Variants in PATJ observed in about 807,000 individuals in gnomAD.
PATJ encodes PATJ crumbs cell polarity complex component.
A neutral mutation model predicts 224.9 loss-of-function variants in PATJ; 190 were observed. The ratio of observed to expected loss-of-function variants is 0.84; its 90% CI spans 0.75 to 0.95. The LOEUF is 0.95. PATJ is among the 40% of genes least tolerant of loss of function. The probability of loss-of-function intolerance (pLI) is 0.00; values close to 1 mark genes in which losing one functional copy is unlikely to be tolerated. For synonymous variants in PATJ, 769 were observed against 820.3 expected (o/e 0.94, Z 1.07); for missense variants, 2,121 against 2,270.3 (o/e 0.93, Z 1.34).
Position 61,758,001 on chromosome 1 carries a change from C to T in PATJ, c.-35-4857C>T, listed in dbSNP as rs531799255. ...CACACACATTTTTTTTTCTTACAAA[C>T]GTGAAAATAATGCACTCATTCTGAA... is the stretch of plus-strand genomic sequence containing the variant. On this transcript the variant is annotated intron_variant, in intron 1 of 43. Transcript: ENST00000642238. Among the ~76,000 whole-genome samples the T allele has an allele frequency of 1.1e-4, 17 of 152,122 alleles. No homozygotes were observed. In the East Asian group the frequency reaches 2.3e-3, roughly 21 times the overall value.
intron 7 of PATJ, among the ~76,000 whole-genome samples, chr1:61,776,727 A>C (rs1000994420): frequency 1.5e-5 from 2 of 136,336 alleles, no homozygotes; most frequent in African/African-American, 5.1e-5. Flanking sequence ...AGATTAATCT[A>C]CTTTTTTTTT....
At chr1:61,861,748 G>C in intron 19 of PATJ, 81 bp downstream of exon 19, 1 of 624,604 alleles carries the variant, frequency 1.6e-6, no homozygotes, top group Non-Finnish European at 2.7e-6. Flanking sequence ...AAGAAAATAA[G>C]ACAAAAGCTT....
intron 39 of PATJ, among the ~76,000 whole-genome samples, chr1:62,123,469 CTTTTTTTTTTT>C (rs34621846): frequency 1.7e-4 from 11 of 64,540 alleles, no homozygotes; most frequent in African/African-American, 6.6e-4. Flanking sequence ...CTATAAGTTT[CTTTTTTTTTTT>C]TTTTTTTTTT....
intron 31 of PATJ, chr1:62,072,973 G>A (rs1017482372): frequency 1.3e-5 from 12 of 899,370 alleles, no homozygotes; most frequent in Admixed American, 1.2e-4. Context: ...TGGAAAGTGC[G>A]GTTGAGCCCT....
intron 33 of PATJ, among the ~76,000 whole-genome samples, chr1:62,085,159 G>T (rs1217880588): frequency 1.3e-5 from 2 of 152,160 alleles, no homozygotes; most frequent in African/African-American, 4.8e-5. Context: ...CCACTCAGGA[G>T]TCTGAGGCAG....
intron 29 of PATJ, among the ~76,000 whole-genome samples, chr1:62,033,104 C>T (rs1468034509): frequency 6.6e-6 from 1 of 152,102 alleles, no homozygotes; most frequent in African/African-American, 2.4e-5. Context: ...ACAGCCAAAC[C>T]ATATCAGGTA....
At chr1:61,754,666 A>G (rs570291940) in intron 1 of PATJ, among the ~76,000 whole-genome samples, 2 of 151,670 alleles carry the variant, frequency 1.3e-5, no homozygotes, top group Admixed American at 6.6e-5. Context: ...CTGGCCTTAT[A>G]TACTCGTAAA....
rs1168531444 is a variant in PATJ at position 62,017,912 on chromosome 1, G to A, written c.3924G>A (p.Lys1308=). The stretch of plus-strand genomic sequence containing the variant: ...ACCAAAATGCATCTGCCATTATTAA[G>A]ACTGCCCCATCAAAGGTCAAGCTGG... ...RSHQNASAII[K]TAPSKVKLVF... is the part of the protein sequence containing the mutation. The change falls in exon 29 of 44, where the codon AAG becomes AAA. Residue 1308 remains lysine (K), a synonymous_variant. Coordinates refer to ENST00000642238, the MANE Select transcript of PATJ (RefSeq NM_001350145.3). 1 of 1,612,516 alleles carries A rather than the reference G, an allele frequency of 6.2e-7. No individual in the cohort carries two copies. The highest frequency in any genetic ancestry group is 2.2e-5 in the East Asian group (1 of 44,828).
chr1:61,757,080 C>CT (rs55788991), intron 1 of PATJ, among the ~76,000 whole-genome samples: 118,006 of 129,176 alleles, frequency 0.91, 54,271 homozygotes, highest in Middle Eastern at 0.97. Context: ...GTCACTTTTA[C>CT]TTTTTTTTTT....
At chr1:61,927,691 A>T in intron 26 of PATJ, 39 bp from the exon 27 acceptor site, 1 of 1,249,170 alleles carries the variant, frequency 8.0e-7, no homozygotes, top group Non-Finnish European at 1.2e-6. Flanking sequence ...GCATTGTACA[A>T]GAAGCATTTA....
chr1:61,957,824 T>C (rs1571502056), intron 27 of PATJ, among the ~76,000 whole-genome samples: 1 of 152,150 alleles, frequency 6.6e-6, no homozygotes, highest in Non-Finnish European at 1.5e-5. Context: ...GTTATAGAAG[T>C]TGAAGCTTTG....
At chr1:62,129,814 G>A (rs1265193814) in intron 41 of PATJ, among the ~76,000 whole-genome samples, 1 of 152,152 alleles carries the variant, frequency 6.6e-6, no homozygotes, top group Non-Finnish European at 1.5e-5. Flanking sequence ...GGTGGTGGGT[G>A]CCTGTAATCT....
intron 1 of PATJ, among the ~76,000 whole-genome samples, chr1:61,755,171 T>TA (rs1048061577): frequency 6.6e-5 from 10 of 151,630 alleles, no homozygotes; most frequent in African/African-American, 2.4e-4. Flanking sequence ...TAGCCGGGCG[T>TA]AGTGGCGGGT....
chr1:62,148,168 A>T, intron 41 of PATJ, 116 bp from the exon 42 acceptor site: 1 of 525,788 alleles, frequency 1.9e-6, no homozygotes. Context: ...CTTGTGTCAA[A>T]TGGTCTAGAT....
intron 1 of PATJ, among the ~76,000 whole-genome samples, chr1:61,745,024 C>T (rs550299509): frequency 6.8e-4 from 104 of 152,168 alleles, no homozygotes; most frequent in Non-Finnish European, 3.7e-4. Context: ...TGCCACCCTC[C>T]AGGAACCTCC....
chr1:61,814,622 A>G (rs1209613547), intron 14 of PATJ, among the ~76,000 whole-genome samples: 1 of 151,652 alleles, frequency 6.6e-6, no homozygotes, highest in Non-Finnish European at 1.5e-5. Context: ...ATATTTTTAC[A>G]TTTTTCTACG....
intron 30 of PATJ, among the ~76,000 whole-genome samples, chr1:62,048,644 G>A (rs951189423): frequency 2.0e-5 from 3 of 151,336 alleles, no homozygotes; most frequent in Non-Finnish European, 2.9e-5. Flanking sequence ...CTGGTGTTAT[G>A]CAAATGGATA....
intron 17 of PATJ, among the ~76,000 whole-genome samples, chr1:61,847,271 A>G (rs1383749229): frequency 3.3e-5 from 5 of 152,238 alleles, no homozygotes. Context: ...TTTATAGGAT[A>G]AAAGTATGTG....
rs565854153 is a variant in PATJ at position 62,152,478 on chromosome 1, C to A, written c.5379-880C>A. Among the ~76,000 whole-genome samples the A allele has an allele frequency of 6.6e-5, 10 of 151,874 alleles. No homozygotes were observed. In the South Asian group the frequency reaches 2.1e-3, roughly 32 times the overall value. ...ACCAGCCTGGTCAACATGGCGAAAC[C>A]TCATCTCTACTAAAAATACAAAACT... On this transcript the variant is annotated intron_variant, in intron 42 of 43. Transcript: ENST00000642238.
Sources: gnomAD v4.1 joint callset for allele counts (sites outside exome capture counted in the v4.1 genomes callset) on GRCh38, gnomAD v4.1.1 for gene constraint, MANE v1.5 for transcripts, NCBI Gene and HGNC (gene_info 2026-07-23, HGNC 2026-07-21) for gene names.